The following HYCC1 variants were observed in gnomAD, a reference collection of about 807,000 sequenced individuals.
HYCC1 encodes hyccin PI4KA lipid kinase complex subunit 1, also known as hyccin.
At chr7:22,959,897 T>G in the HYCC1 span, among the ~76,000 whole-genome samples, 2 of 152,206 alleles carry the variant, frequency 1.3e-5, no homozygotes, top group Admixed American at 6.5e-5. Flanking sequence ...ATTCACTTGC[T>G]TAAGAGTTCA....
the HYCC1 span, among the ~76,000 whole-genome samples, chr7:22,969,403 T>G: frequency 8.6e-5 from 13 of 151,740 alleles, no homozygotes; most frequent in African/African-American, 2.7e-4. Context: ...TGACCTCAAG[T>G]GATCCACCCG....
chr7:22,946,999 G>A, the HYCC1 span: 23 of 1,549,502 alleles, frequency 1.5e-5, no homozygotes, highest in Admixed American at 1.2e-4. Context: ...ACTCTGCCAG[G>A]TGAGTTTATT....
chr7:22,994,403 G>A, the HYCC1 span, among the ~76,000 whole-genome samples: 1 of 152,128 alleles, frequency 6.6e-6, no homozygotes, highest in African/African-American at 2.4e-5. Flanking sequence ...TGGGATAGTG[G>A]CTGCTCTTGA....
At chr7:22,954,976 T>C in the HYCC1 span, among the ~76,000 whole-genome samples, 1 of 151,526 alleles carries the variant, frequency 6.6e-6, no homozygotes, top group Non-Finnish European at 1.5e-5. Flanking sequence ...TTTGTCTATG[T>C]AATTTCTATT....
the HYCC1 span, among the ~76,000 whole-genome samples, chr7:22,998,086 T>A: frequency 6.6e-6 from 1 of 152,160 alleles, no homozygotes; most frequent in African/African-American, 2.4e-5. Context: ...ACGTTCAAGG[T>A]GGTATGGTCA....
At chr7:22,979,969 T>A in the HYCC1 span, among the ~76,000 whole-genome samples, 4 of 152,158 alleles carry the variant, frequency 2.6e-5, no homozygotes, top group Admixed American at 1.3e-4. Flanking sequence ...TACACATACA[T>A]AAACCCATTA....
At chr7:22,923,406 G>C in the HYCC1 span, among the ~76,000 whole-genome samples, 1 of 152,154 alleles carries the variant, frequency 6.6e-6, no homozygotes, top group Non-Finnish European at 1.5e-5. Context: ...GGCTAAAGCA[G>C]TACTTGGAGG....
the HYCC1 span, among the ~76,000 whole-genome samples, chr7:22,998,776 A>G: frequency 6.0e-4 from 92 of 152,218 alleles, 1 homozygote; most frequent in Non-Finnish European, 1.1e-3. Flanking sequence ...TGTTGCTGCC[A>G]TATAATCTTG....
chr7:22,926,866 T>A, the HYCC1 span, among the ~76,000 whole-genome samples: 8 of 151,458 alleles, frequency 5.3e-5, no homozygotes, highest in African/African-American at 1.9e-4. Context: ...CCACCCCAAA[T>A]CAACAGAATA....
chr7:23,005,759 C>T, the HYCC1 span, among the ~76,000 whole-genome samples: 1 of 152,172 alleles, frequency 6.6e-6, no homozygotes, highest in African/African-American at 2.4e-5. Context: ...TACTTCTTGA[C>T]CTCACTGACT....
the HYCC1 span, among the ~76,000 whole-genome samples, chr7:22,908,995 G>C: frequency 6.6e-6 from 1 of 152,204 alleles, no homozygotes; most frequent in African/African-American, 2.4e-5. Context: ...ACTCTAGGTG[G>C]ACTGTCTCCC....
the HYCC1 span, among the ~76,000 whole-genome samples, chr7:22,913,939 C>G: frequency 6.6e-6 from 1 of 152,226 alleles, no homozygotes; most frequent in Admixed American, 6.5e-5. Flanking sequence ...TCAGAACAAC[C>G]AGCCCAAGGA....
chr7:22,930,375 T>TAAAAAA, the HYCC1 span, among the ~76,000 whole-genome samples: 6 of 84,224 alleles, frequency 7.1e-5, no homozygotes, highest in Non-Finnish European at 1.2e-4. Flanking sequence ...AGAAACAAAG[T>TAAAAAA]AAAAAGAAAA....
chr7:22,918,998 C>T, the HYCC1 span, among the ~76,000 whole-genome samples: 1 of 152,110 alleles, frequency 6.6e-6, no homozygotes, highest in Non-Finnish European at 1.5e-5. Flanking sequence ...ATAACAAAAA[C>T]AAGTCCCAGA....
chr7:22,998,334 T>C, the HYCC1 span, among the ~76,000 whole-genome samples: 503 of 152,296 alleles, frequency 3.3e-3, 2 homozygotes, highest in African/African-American at 0.011. Flanking sequence ...ACTAAGATCA[T>C]GTACAATTTA....
chr7:22,898,589 CTTTTCTTTTCTTTTCTT>C, the HYCC1 span, among the ~76,000 whole-genome samples: 42 of 56,636 alleles, frequency 7.4e-4, no homozygotes, highest in African/African-American at 2.2e-3. Context: ...CTTTTCTTTT[CTTTTCTTTTCTTTTCTT>C]TTTTTTTTTT....
the HYCC1 span, chr7:22,977,323 T>G: frequency 6.9e-7 from 1 of 1,449,866 alleles, no homozygotes; most frequent in Non-Finnish European, 9.7e-7. Context: ...AAACTTACTG[T>G]GATAAAATGT....
the HYCC1 span, among the ~76,000 whole-genome samples, chr7:22,974,192 C>T: frequency 4.6e-5 from 7 of 152,210 alleles, no homozygotes; most frequent in South Asian, 4.1e-4. Context: ...CATAGTGAAA[C>T]GAAAAGCAAG....
At chr7:22,956,448 T>A in the HYCC1 span, among the ~76,000 whole-genome samples, 1 of 144,234 alleles carries the variant, frequency 6.9e-6, no homozygotes, top group Non-Finnish European at 1.5e-5. Context: ...GAAAAACACA[T>A]TAAGTTAAGC....
Sources: allele counts gnomAD v4.1 joint callset (sites outside exome capture counted in the v4.1 genomes callset), GRCh38; gene constraint gnomAD v4.1.1; transcripts MANE v1.5; gene names NCBI Gene and HGNC (gene_info 2026-07-23, HGNC 2026-07-21).